Variants in TANGO6 observed in about 807,000 individuals in gnomAD.
TANGO6 encodes the protein transport and golgi organization 6 homolog.
Under a neutral mutation model 114.2 loss-of-function variants are expected in TANGO6, and 90 were observed. The observed-to-expected ratio is 0.79, with a 90% confidence interval of 0.66 to 0.94. The LOEUF (loss-of-function observed/expected upper bound fraction) is 0.94. Among genes scored for constraint, TANGO6 ranks in the 40% least tolerant of loss-of-function variants. TANGO6 has a pLI of 0.00. For missense variants in TANGO6, 1,274 were observed against 1,315.3 expected (o/e 0.97, Z 0.49); for synonymous variants, 477 against 509.8 (o/e 0.94, Z 0.87).
chr16:68,867,208 G>A lies in TANGO6; in HGVS notation c.982G>A (p.Glu328Lys). ...GVQAVVRGIL[E>K]GAGAGAAGGS... ...TCAGGCAGTAGTCCGGGGCATTTTG[G>A]AAGGAGCAGGTGGTAAGAAATAAAA... is the stretch of plus-strand genomic sequence containing the variant. The change falls in exon 4 of 18, where the codon GAA becomes AAA. Residue 328 changes from glutamate to lysine, a missense_variant. Around this residue, in one of 5 missense-constraint regions of TANGO6, gnomAD observed 908 missense variants for 910.2 expected, o/e 1.00. Transcript: ENST00000261778. 6.2e-7 allele frequency: 1 copy of A among 1,613,842 alleles called. No homozygotes were observed. The highest frequency in any genetic ancestry group is 8.5e-7 in the Non-Finnish European group (1 of 1,179,844).
chr16:68,987,488 C>T (rs577520200), intron 15 of TANGO6, among the ~76,000 whole-genome samples: 2 of 152,254 alleles, frequency 1.3e-5, no homozygotes, highest in Admixed American at 6.5e-5. Flanking sequence ...CATGCCTCAG[C>T]CTTCCGAGTG....
chr16:68,958,029 G>A (rs892394121), intron 14 of TANGO6, among the ~76,000 whole-genome samples: 3 of 151,706 alleles, frequency 2.0e-5, no homozygotes, highest in African/African-American at 4.8e-5. Flanking sequence ...AAAATTAGCC[G>A]GGTGCAGTGG....
At chr16:68,949,337 T>A (rs1264658146) in intron 14 of TANGO6, among the ~76,000 whole-genome samples, 2 of 150,716 alleles carry the variant, frequency 1.3e-5, no homozygotes, top group Non-Finnish European at 3.0e-5. Flanking sequence ...ATAGCTTACC[T>A]TGGCCAGGCA....
At chr16:68,949,352 G>A (rs1963447614) in intron 14 of TANGO6, among the ~76,000 whole-genome samples, 1 of 152,082 alleles carries the variant, frequency 6.6e-6, no homozygotes, top group Admixed American at 6.6e-5. Flanking sequence ...CAGGCATGAT[G>A]GCTCACACCT....
intron 15 of TANGO6, among the ~76,000 whole-genome samples, chr16:69,022,263 CAT>C (rs1344388573): frequency 1.3e-5 from 2 of 152,132 alleles, no homozygotes; most frequent in African/African-American, 2.4e-5. Flanking sequence ...AATATCTTCA[CAT>C]GTTTTATCTC....
chr16:69,006,719 CCAGCCTGGGTAA>C (rs1294187388), intron 15 of TANGO6, among the ~76,000 whole-genome samples: 2 of 152,148 alleles, frequency 1.3e-5, no homozygotes, highest in Admixed American at 6.5e-5. Flanking sequence ...CCACTGCACT[CCAGCCTGGGTAA>C]CAGAGCGAGA....
At chr16:69,020,923 T>TGTGTGTG (rs1439465237) in intron 15 of TANGO6, among the ~76,000 whole-genome samples, 1 of 151,044 alleles carries the variant, frequency 6.6e-6, no homozygotes, top group South Asian at 2.1e-4. Flanking sequence ...TGTGTGTGTG[T>TGTGTGTG]GTGTGTGTGT....
chr16:69,075,943 T>C (rs1960370274), intron 17 of TANGO6, among the ~76,000 whole-genome samples: 1 of 151,208 alleles, frequency 6.6e-6, no homozygotes. Flanking sequence ...TTTTTGTATT[T>C]TAGTAGAGAC....
At chr16:68,963,042 C>T (rs1166070666) in intron 14 of TANGO6, among the ~76,000 whole-genome samples, 2 of 147,522 alleles carry the variant, frequency 1.4e-5, no homozygotes, top group African/African-American at 2.5e-5. Flanking sequence ...TGCAGTGAGC[C>T]GAGATCGCGC....
intron 17 of TANGO6, among the ~76,000 whole-genome samples, chr16:69,049,742 T>C (rs1345303151): frequency 2.0e-5 from 3 of 151,812 alleles, no homozygotes; most frequent in Admixed American, 2.0e-4. Flanking sequence ...GTCTGGCTTT[T>C]TTTTTTTCTT....
At chr16:68,877,769 G>A (rs555575218) in intron 5 of TANGO6, among the ~76,000 whole-genome samples, 2 of 151,924 alleles carry the variant, frequency 1.3e-5, no homozygotes, top group South Asian at 2.1e-4. Flanking sequence ...CACCACACTC[G>A]GCTAAGATTT....
intron 16 of TANGO6, among the ~76,000 whole-genome samples, chr16:69,029,927 G>A (rs999816026): frequency 6.6e-6 from 1 of 151,714 alleles, no homozygotes; most frequent in African/African-American, 2.4e-5. Flanking sequence ...GGCCAACATG[G>A]TTAAACCCCA....
At chr16:68,848,154 G>A (rs1567522480) in intron 1 of TANGO6, among the ~76,000 whole-genome samples, 4 of 151,994 alleles carry the variant, frequency 2.6e-5, no homozygotes, top group Non-Finnish European at 5.9e-5. Flanking sequence ...GGAGTACAGT[G>A]ACTATTCACA....
chr16:68,985,278 G>T (rs1963879140), intron 15 of TANGO6, among the ~76,000 whole-genome samples: 1 of 152,018 alleles, frequency 6.6e-6, no homozygotes, highest in Non-Finnish European at 1.5e-5. Context: ...TGTTTAATTA[G>T]GTTGTTTCCA....
At chr16:68,876,099 ATATT>A (rs1485192667) in intron 5 of TANGO6, among the ~76,000 whole-genome samples, 1 of 152,242 alleles carries the variant, frequency 6.6e-6, no homozygotes, top group African/African-American at 2.4e-5. Context: ...ATGTATGTAT[ATATT>A]AACATGTATG....
chr16:68,979,848 T>A (rs1963806408), intron 15 of TANGO6, among the ~76,000 whole-genome samples: 2 of 134,950 alleles, frequency 1.5e-5, no homozygotes, highest in African/African-American at 6.8e-5. Context: ...TTTTTTGACT[T>A]TTTTTTTTTT....
intron 15 of TANGO6, among the ~76,000 whole-genome samples, chr16:69,009,602 A>G (rs1168096803): frequency 1.3e-5 from 2 of 152,186 alleles, no homozygotes; most frequent in Non-Finnish European, 2.9e-5. Context: ...AGCAGCTGGC[A>G]TTTTGGTAGG....
At chr16:68,862,637 T>C (rs1220457764) in intron 2 of TANGO6, among the ~76,000 whole-genome samples, 1 of 152,158 alleles carries the variant, frequency 6.6e-6, no homozygotes, top group Non-Finnish European at 1.5e-5. Flanking sequence ...AAATGTGCAG[T>C]CACTGTCAAA....
intron 14 of TANGO6, among the ~76,000 whole-genome samples, chr16:68,964,295 A>G (rs1381973135): frequency 2.0e-5 from 3 of 151,992 alleles, no homozygotes; most frequent in Non-Finnish European, 4.4e-5. Flanking sequence ...TTAAAAAATT[A>G]AAAGTAAAAA....
Sources: allele counts gnomAD v4.1 joint callset (sites outside exome capture counted in the v4.1 genomes callset), GRCh38; gene constraint gnomAD v4.1.1; regional missense constraint gnomAD v4.1.1; transcripts MANE v1.5; gene names NCBI Gene and HGNC (gene_info 2026-07-23, HGNC 2026-07-21).